KCTD16: variants seen among roughly 807,000 people sequenced by gnomAD.
The protein encoded by KCTD16 is potassium channel tetramerization domain containing 16, also known as BTB/POZ domain-containing protein KCTD16.
A neutral mutation model predicts 33.2 loss-of-function variants in KCTD16; 13 were observed. The ratio of observed to expected loss-of-function variants is 0.39; its 90% CI spans 0.25 to 0.62. The LOEUF (loss-of-function observed/expected upper bound fraction) is 0.62. KCTD16 is among the 20% of genes least tolerant of loss of function. The pLI is 0.50. For missense variants in KCTD16, 441 were observed against 525.1 expected (o/e 0.84, Z 1.57); for synonymous variants, 197 against 195.3 (o/e 1.01, Z -0.07).
intron 2 of KCTD16, among the ~76,000 whole-genome samples, chr5:144,199,024 T>G (rs1228024817): frequency 6.6e-6 from 1 of 152,230 alleles, no homozygotes; most frequent in African/African-American, 2.4e-5. Context: ...CTTCAGGGTA[T>G]TCCACAAATT....
intron 3 of KCTD16, among the ~76,000 whole-genome samples, chr5:144,450,413 A>G (rs996284339): frequency 3.3e-5 from 5 of 152,094 alleles, no homozygotes; most frequent in Non-Finnish European, 7.4e-5. Context: ...CTTAAAATAG[A>G]ACTATCATAT....
At chr5:144,463,724 T>G (rs1344546949) in intron 3 of KCTD16, among the ~76,000 whole-genome samples, 1 of 152,216 alleles carries the variant, frequency 6.6e-6, no homozygotes, top group Non-Finnish European at 1.5e-5. Flanking sequence ...CCTATTAGCT[T>G]TTCTGAAAAC....
At chr5:144,289,775 GA>G (rs2126861183) in intron 3 of KCTD16, among the ~76,000 whole-genome samples, 1 of 151,682 alleles carries the variant, frequency 6.6e-6, no homozygotes, top group African/African-American at 2.4e-5. Flanking sequence ...TTGGCTACTA[GA>G]TTATGATTAC....
chr5:144,249,273 T>C (rs1299520829), intron 3 of KCTD16, among the ~76,000 whole-genome samples: 1 of 152,194 alleles, frequency 6.6e-6, no homozygotes, highest in East Asian at 1.9e-4. Flanking sequence ...TTTTTCTGCG[T>C]CAGAGGCTCC....
At chr5:144,188,700 A>G (rs1487233881) in intron 2 of KCTD16, among the ~76,000 whole-genome samples, 1 of 152,256 alleles carries the variant, frequency 6.6e-6, no homozygotes, top group Admixed American at 6.5e-5. Flanking sequence ...AGAGAAATGT[A>G]TCAACAGATA....
At chr5:144,445,355 G>A (rs1163796023) in intron 3 of KCTD16, among the ~76,000 whole-genome samples, 1 of 151,936 alleles carries the variant, frequency 6.6e-6, no homozygotes, top group Non-Finnish European at 1.5e-5. Flanking sequence ...TTCTGGATGC[G>A]TTTGAGAATT....
chr5:144,396,907 A>G (rs1362321049), intron 3 of KCTD16, among the ~76,000 whole-genome samples: 2 of 88,596 alleles, frequency 2.3e-5, no homozygotes, highest in East Asian at 6.3e-4. Flanking sequence ...AATTCACTTT[A>G]TTTATTATAT....
chr5:144,242,675 G>C (rs552921894), intron 3 of KCTD16, among the ~76,000 whole-genome samples: 1 of 152,250 alleles, frequency 6.6e-6, no homozygotes, highest in Admixed American at 6.5e-5. Context: ...TGCATTGGAT[G>C]AGGGCTTCAG....
intron 3 of KCTD16, among the ~76,000 whole-genome samples, chr5:144,276,078 A>G (rs1466589186): frequency 6.6e-6 from 1 of 152,200 alleles, no homozygotes; most frequent in Non-Finnish European, 1.5e-5. Context: ...TAGTTATATA[A>G]ATAATACATG....
intron 3 of KCTD16, among the ~76,000 whole-genome samples, chr5:144,455,657 G>A (rs1754045468): frequency 6.6e-6 from 1 of 152,188 alleles, no homozygotes. Context: ...GGCCAGGAAA[G>A]AAGTAATTGC....
intron 1 of KCTD16, among the ~76,000 whole-genome samples, chr5:144,172,118 C>A (rs890387135): frequency 2.6e-5 from 4 of 152,044 alleles, no homozygotes; most frequent in Non-Finnish European, 5.9e-5. Context: ...CAACACCCCC[C>A]ACCCCAATAA....
At chr5:144,320,887 C>G (rs1580870626) in intron 3 of KCTD16, among the ~76,000 whole-genome samples, 1 of 151,984 alleles carries the variant, frequency 6.6e-6, no homozygotes, top group African/African-American at 2.4e-5. Flanking sequence ...CGGAGTTTCA[C>G]TCTTGTTGTC....
intron 3 of KCTD16, among the ~76,000 whole-genome samples, chr5:144,381,635 A>G (rs997241678): frequency 1.3e-5 from 2 of 152,114 alleles, no homozygotes; most frequent in Non-Finnish European, 2.9e-5. Context: ...GAACCACCAG[A>G]TCTCGTGTGA....
At chr5:144,250,141 G>A (rs1561542851) in intron 3 of KCTD16, among the ~76,000 whole-genome samples, 1 of 152,184 alleles carries the variant, frequency 6.6e-6, no homozygotes, top group Non-Finnish European at 1.5e-5. Context: ...AGAAACTCTG[G>A]GGGCTTTATC....
chr5:144,317,970 C>A (rs1388074394), intron 3 of KCTD16, among the ~76,000 whole-genome samples: 1 of 152,170 alleles, frequency 6.6e-6, no homozygotes, highest in Non-Finnish European at 1.5e-5. Flanking sequence ...ATAATGGTAA[C>A]AAATATTTGC....
At chr5:144,251,789 A>G (rs1754707254) in intron 3 of KCTD16, among the ~76,000 whole-genome samples, 1 of 152,196 alleles carries the variant, frequency 6.6e-6, no homozygotes, top group South Asian at 2.1e-4. Flanking sequence ...AGTATAGTAT[A>G]TGTAGTAAAT....
chr5:144,426,724 A>G (rs1258802044), intron 3 of KCTD16, among the ~76,000 whole-genome samples: 1 of 152,140 alleles, frequency 6.6e-6, no homozygotes, highest in Non-Finnish European at 1.5e-5. Flanking sequence ...CAAGGGAGGT[A>G]TCATAGGGCA....
intron 3 of KCTD16, among the ~76,000 whole-genome samples, chr5:144,231,030 C>T (rs901173154): frequency 6.6e-6 from 1 of 152,164 alleles, no homozygotes; most frequent in Non-Finnish European, 1.5e-5. Context: ...GGTGAAGGGC[C>T]TTATGTGACG....
chr5:144,197,993 C>G (rs534205951), intron 2 of KCTD16, among the ~76,000 whole-genome samples: 7 of 151,960 alleles, frequency 4.6e-5, no homozygotes, highest in Non-Finnish European at 1.0e-4. Context: ...CTCTTTTTTT[C>G]CATTCCAATT....
Sources: gnomAD v4.1 joint callset for allele counts (sites outside exome capture counted in the v4.1 genomes callset) on GRCh38, gnomAD v4.1.1 for gene constraint, MANE v1.5 for transcripts, NCBI Gene and HGNC (gene_info 2026-07-23, HGNC 2026-07-21) for gene names.